OR6C2: variants seen among roughly 807,000 people sequenced by gnomAD.
OR6C2 encodes olfactory receptor family 6 subfamily C member 2, also known as olfactory receptor 6C2.
For synonymous variants in OR6C2, 146 were observed against 134.2 expected (o/e 1.09, Z -0.61); for missense variants, 435 against 365.8 (o/e 1.19, Z -1.54).
At chr12:55,448,619 C>T (rs1243398520) in intron 1 of OR6C2, among the ~76,000 whole-genome samples, 5 of 121,474 alleles carry the variant, frequency 4.1e-5, no homozygotes, top group Non-Finnish European at 8.2e-5. Context: ...TTTACCTTAT[C>T]CTGTATCTGG....
chr12:55,446,552 T>C (rs1871366349), intron 1 of OR6C2, among the ~76,000 whole-genome samples: 1 of 152,196 alleles, frequency 6.6e-6, no homozygotes, highest in Non-Finnish European at 1.5e-5. Context: ...TTAGTGGATG[T>C]GCTCTGACAG....
chr12:55,446,669 A>C (rs1361740067), intron 1 of OR6C2, among the ~76,000 whole-genome samples: 1 of 152,190 alleles, frequency 6.6e-6, no homozygotes, highest in African/African-American at 2.4e-5. Context: ...AATCAGGCAA[A>C]AAGAGGTTGG....
In OR6C2 at chr12:55,452,369, C is replaced by G. The variant is rs754327292; in HGVS notation, c.156C>G (p.His52Gln). The change falls in exon 2 of 2, where the codon CAC becomes CAG. Residue 52 changes from histidine (H) to glutamine (Q), a missense_variant. His to Gln is a conservative substitution (Grantham distance 24). Coordinates refer to ENST00000641202, the MANE Select transcript of OR6C2 (RefSeq NM_054105.2). The part of the protein sequence containing the change: ...TIITLTLVDH[H>Q]LKTPMYFFLR... ...TCACCCTCACATTGGTGGACCACCA[C>G]CTTAAAACTCCTATGTACTTCTTTC... 1 of 1,613,734 alleles carries G rather than the reference C, an allele frequency of 6.2e-7. No homozygotes were observed. Among genetic ancestry groups the G allele is most frequent in the South Asian group, 1.1e-5 (1 of 91,058 alleles).
chr12:55,452,413 T>A lies in OR6C2; in HGVS notation c.200T>A (p.Leu67Ter). Residue 67 changes from leucine to a stop codon, truncating the protein, a stop_gained, in exon 2 of 2, where the codon TTA becomes TAA. Transcript: ENST00000641202. LOFTEE classifies it low-confidence loss of function (END_TRUNC). ...MYFFLRNFSFLEVSFTTVCIP... is the reference protein window; with the variant it reads ...MYFFLRNFSF ...TTCTTTCTCAGAAATTTTTCCTTCT[T>A]AGAAGTCTCATTTACTACAGTCTGC... The A allele has an allele frequency of 6.2e-7, 1 of 1,613,546 alleles. No homozygotes were observed. The highest frequency in any genetic ancestry group is 1.7e-4 in the Middle Eastern group (1 of 6,056).
rs774431392 is a variant in OR6C2 at position 55,452,973 on chromosome 12, A to G, written c.760A>G (p.Ile254Val). ...GGTTTCCATTGCCTATGGAAGCTGC[A>G]TCTTCATCTATATCAAGCCCTCTGC... Reference protein sequence around the residue: ...IVVSIAYGSCIFIYIKPSAKD... With the variant: ...IVVSIAYGSCVFIYIKPSAKD... The change falls in exon 2 of 2, where the codon ATC becomes GTC. Residue 254 changes from isoleucine (I) to valine (V), a missense_variant. Physicochemically the swap from Ile to Val is conservative, Grantham distance 29. Coordinates refer to ENST00000641202, the MANE Select transcript of OR6C2 (RefSeq NM_054105.2). 8 of 1,613,688 alleles carry G rather than the reference A, an allele frequency of 5.0e-6. No individual in the cohort carries two copies. In the East Asian group the frequency reaches 8.9e-5, roughly 18 times the overall value.
At chr12:55,447,147 A>C (rs1411459920) in intron 1 of OR6C2, among the ~76,000 whole-genome samples, 2 of 152,136 alleles carry the variant, frequency 1.3e-5, no homozygotes, top group Non-Finnish European at 2.9e-5. Flanking sequence ...AGATAGTCTC[A>C]TGGTCCTCAC....
Position 55,452,575 on chromosome 12 carries a change from A to G in OR6C2, c.362A>G (p.Tyr121Cys). The G allele has an allele frequency of 4.3e-6, 7 of 1,613,858 alleles. No individual in the cohort carries two copies. The highest frequency in any genetic ancestry group is 5.9e-6 in the Non-Finnish European group (7 of 1,179,862). ...TTGGCAGCCATGTCCTATGACCGCT[A>G]TGTGGCCATCTGTAAACCCCTTCAT... ...FLLAAMSYDR[Y>C]VAICKPLHYV... The change falls in exon 2 of 2, where the codon TAT becomes TGT. Residue 121 changes from tyrosine (Y) to cysteine (C), a missense_variant. By Grantham distance (194) the Tyr-to-Cys change is radical (BLOSUM62 -2). Coordinates refer to ENST00000641202, the MANE Select transcript of OR6C2 (RefSeq NM_054105.2).
chr12:55,445,895 G>C (rs1456674227), intron 1 of OR6C2, among the ~76,000 whole-genome samples: 1 of 152,142 alleles, frequency 6.6e-6, no homozygotes, highest in African/African-American at 2.4e-5. Flanking sequence ...TTATACCACA[G>C]CTATTCTAAT....
rs1871467936 is a variant in OR6C2, at chr12:55,451,414, GTCTT to G, written c.-796_-793del. The G allele has an allele frequency of 6.6e-6, 1 of 151,886 alleles. No individual in the cohort carries two copies. Among genetic ancestry groups the G allele is most frequent in the Non-Finnish European group, 1.5e-5 (1 of 67,976 alleles). 9.4% of individuals were successfully genotyped at this position (151,886 alleles called of 1,614,324 possible). ...TCACGAATAAGTGAGAACATACGATGTCTTTCTAAAGGACCTAAAGATATATTGA... is the reference window on the plus strand; with the variant it reads ...TCACGAATAAGTGAGAACATACGATGTCTAAAGGACCTAAAGATATATTGA... On this transcript the variant is annotated 5_prime_UTR_variant, in exon 2 of 2. It introduces an in-frame stop codon into an upstream open reading frame of the 5' UTR. Coordinates refer to ENST00000641202, the MANE Select transcript of OR6C2 (RefSeq NM_054105.2).
In OR6C2 at chr12:55,446,257, C is replaced by A. The variant is rs564074051; in HGVS notation, c.-888+2098C>A. Reference sequence around the variant, plus strand: ...CTCCACCTCCCAGGTTCAAGCAATTCTCCTGCCTCAGCCTTCCGAGTAGCT... The same window carrying A: ...CTCCACCTCCCAGGTTCAAGCAATTATCCTGCCTCAGCCTTCCGAGTAGCT... On this transcript the variant is annotated intron_variant, in intron 1 of 1. Transcript: ENST00000641202. Among the ~76,000 whole-genome samples the A allele has an allele frequency of 9.8e-4, 149 of 152,238 alleles. 1 individual carries two copies. The highest frequency in any genetic ancestry group is 3.3e-3 in the African/African-American group (139 of 41,550).
intron 1 of OR6C2, among the ~76,000 whole-genome samples, chr12:55,450,072 A>C (rs944456633): frequency 2.6e-5 from 4 of 152,116 alleles, no homozygotes; most frequent in African/African-American, 9.7e-5. Flanking sequence ...TAAACTTACC[A>C]AGAACCCTAC....
chr12:55,450,125 T>C (rs547760069), intron 1 of OR6C2, among the ~76,000 whole-genome samples: 12 of 152,058 alleles, frequency 7.9e-5, no homozygotes, highest in Non-Finnish European at 1.2e-4. Flanking sequence ...TAAAATATTG[T>C]CTCTAAAGAA....
chr12:55,447,165 G>A (rs908060849), intron 1 of OR6C2, among the ~76,000 whole-genome samples: 1 of 152,050 alleles, frequency 6.6e-6, no homozygotes, highest in Admixed American at 6.6e-5. Flanking sequence ...CACTATATAC[G>A]TTTTAACAGT....
chr12:55,449,825 G>A (rs1444699374), intron 1 of OR6C2, among the ~76,000 whole-genome samples: 7 of 151,718 alleles, frequency 4.6e-5, no homozygotes, highest in Admixed American at 2.6e-4. Flanking sequence ...ATAATATCAA[G>A]GTAAAGAAAG....
rs182901840 is a variant in OR6C2 at position 55,452,918 on chromosome 12, C to A, written c.705C>A (p.Ala235=). 6.2e-7 allele frequency: 1 copy of A among 1,613,714 alleles called. No homozygotes were observed. Among genetic ancestry groups the A allele is most frequent in the East Asian group, 2.2e-5 (1 of 44,876 alleles). ...CTTCTGTTCAGCAAAGGAAAAAGGC[C>A]TTTTCTACCTGTTCATCCCACATGA... ...KFPSVQQRKK[A]FSTCSSHMIV... Residue 235 remains alanine (A), a synonymous_variant, in exon 2 of 2, where the codon GCC becomes GCA. Coordinates refer to ENST00000641202, the MANE Select transcript of OR6C2 (RefSeq NM_054105.2).
Position 55,453,019 on chromosome 12 carries a change from A to G in OR6C2, c.806A>G (p.Asn269Ser), listed in dbSNP as rs1871521727. The G allele has an allele frequency of 6.2e-7, 1 of 1,613,508 alleles. No individual in the cohort carries two copies. Among genetic ancestry groups the G allele is most frequent in the Non-Finnish European group, 8.5e-7 (1 of 1,179,702 alleles). ...KPSAKDEVAI[N>S]KGVSVLTTSV... is the part of the protein sequence containing the mutation. The stretch of plus-strand genomic sequence containing the variant: ...TCTGCAAAAGATGAGGTGGCCATAA[A>G]TAAAGGAGTTTCAGTTCTTACTACT... The change falls in exon 2 of 2, where the codon AAT (asparagine) becomes AGT (serine). Residue 269 changes from asparagine to serine, a missense_variant. Transcript: ENST00000641202.
In OR6C2 at chr12:55,453,138, C is replaced by T; in HGVS notation, c.925C>T (p.Leu309Phe). ...FSDSIKRIAF[L>F]SKK ...TGACTCTATAAAGAGGATTGCATTT[C>T]TCTCAAAGAAGTAGAAGCTGTGATG... Residue 309 changes from leucine (L) to phenylalanine (F), a missense_variant, in exon 2 of 2, where the codon CTC (leucine) becomes TTC (phenylalanine). Physicochemically the swap from Leu to Phe is conservative, Grantham distance 22 (BLOSUM62 0). Transcript: ENST00000641202. 1 of 1,610,494 alleles carries T rather than the reference C, an allele frequency of 6.2e-7. No individual in the cohort carries two copies. Among genetic ancestry groups the T allele is most frequent in the Non-Finnish European group, 8.5e-7 (1 of 1,177,904 alleles).
intron 1 of OR6C2, among the ~76,000 whole-genome samples, chr12:55,450,713 G>A (rs1007343276): frequency 5.9e-5 from 9 of 151,902 alleles, no homozygotes; most frequent in Non-Finnish European, 1.3e-4. Flanking sequence ...AGAAGCAGGA[G>A]GTCTGAAGAT....
chr12:55,452,466 A>G lies in OR6C2; in HGVS notation c.253A>G (p.Met85Val), dbSNP rs749912509. Residue 85 changes from methionine (M) to valine (V), a missense_variant, in exon 2 of 2, where the codon ATG becomes GTG. By Grantham distance (21) the Met-to-Val change is conservative (BLOSUM62 1). Transcript: ENST00000641202. ...TCCCAGATTCTTGTACAATATATCAATGGGGGACAATACCATTACCTACAA... is the reference window on the plus strand; with the variant it reads ...TCCCAGATTCTTGTACAATATATCAGTGGGGGACAATACCATTACCTACAA... The part of the protein sequence containing the change: ...CIPRFLYNIS[M>V]GDNTITYNAC... 4.9e-5 allele frequency: 79 copies of G among 1,613,586 alleles called. No homozygotes were observed. Among genetic ancestry groups the G allele is most frequent in the Non-Finnish European group, 6.5e-5 (77 of 1,179,696 alleles).
Sources: allele counts gnomAD v4.1 joint callset (sites outside exome capture counted in the v4.1 genomes callset), GRCh38; gene constraint gnomAD v4.1.1; transcripts MANE v1.5; gene names NCBI Gene and HGNC (gene_info 2026-07-23, HGNC 2026-07-21).